Variants in ZNF813 observed in about 807,000 individuals in gnomAD.
ZNF813 encodes zinc finger protein 813.
Under a neutral mutation model 7.2 loss-of-function variants are expected in ZNF813, and 3 were observed. That is an observed-to-expected ratio of 0.42 (90% confidence interval 0.19 to 1.08). ZNF813 has a LOEUF of 1.08. Ranked by LOEUF, ZNF813 falls within the 50% of genes least tolerant of loss-of-function variation. The pLI is 0.30. For synonymous variants in ZNF813, 227 were observed against 256.3 expected (o/e 0.89, Z 1.09); for missense variants, 714 against 753.3 (o/e 0.95, Z 0.61).
intron 3 of ZNF813, 27 bp downstream of exon 3, chr19:53,486,785 G>A: frequency 6.2e-7 from 1 of 1,613,692 alleles, no homozygotes; most frequent in Non-Finnish European, 8.5e-7. Flanking sequence ...TCCAGAAGTG[G>A]GGATGTGCCC....
In ZNF813 at chr19:53,483,378, TG is replaced by T. The variant is rs201041417; in HGVS notation, c.-73-368del. 9.7e-3 allele frequency among the ~76,000 whole-genome samples: 1,478 copies of T among 152,066 alleles called. 21 individuals are homozygous for T. Among genetic ancestry groups the T allele is most frequent in the African/African-American group, 0.019 (808 of 41,468 alleles). ...TAAGTTTTTGTATTTTTGGTAGAGA[TG>T]GGGTTTCACCATGTTGCCCAGGCTG... is the stretch of plus-strand genomic sequence containing the variant. On this transcript the variant is annotated intron_variant, in intron 1 of 3. Coordinates refer to ENST00000396403, the MANE Select transcript of ZNF813 (RefSeq NM_001004301.4).
At chr19:53,479,644 A>G (rs2086398001) in intron 1 of ZNF813, 2 of 1,231,602 alleles carry the variant, frequency 1.6e-6, no homozygotes, top group Non-Finnish European at 2.4e-6. Flanking sequence ...CTGGGCCTTA[A>G]AAGATGAAGA....
intron 3 of ZNF813, 61 bp from the exon 4 acceptor site, chr19:53,490,313 CA>C (rs2086453049): frequency 1.3e-6 from 2 of 1,545,714 alleles, no homozygotes; most frequent in Non-Finnish European, 1.8e-6. Flanking sequence ...CACATTTACA[CA>C]TTTCAGTATT....
At chr19:53,488,100 C>T in intron 3 of ZNF813, 2 of 354,576 alleles carry the variant, frequency 5.6e-6, no homozygotes, top group Admixed American at 3.5e-5. Flanking sequence ...TCTTGGGTCA[C>T]TCCAACCTCC....
intron 1 of ZNF813, among the ~76,000 whole-genome samples, chr19:53,470,191 C>T (rs1362062403): frequency 2.5e-5 from 3 of 120,300 alleles, no homozygotes; most frequent in African/African-American, 9.9e-5. Context: ...CTTTCTTTCA[C>T]TCTTGTTCTA....
rs1186873559 is a variant in ZNF813, at chr19:53,491,964, C to T, written c.1732C>T (p.Pro578Ser). 3 of 1,613,912 alleles carry T rather than the reference C, an allele frequency of 1.9e-6. No individual in the cohort carries two copies. Among genetic ancestry groups the T allele is most frequent in the Non-Finnish European group, 2.5e-6 (3 of 1,179,924 alleles). ...CCATAGACTTCATACTGGAGAGAAACCTTACAAGTGTAATGAATGTGGCAA... is the reference window on the plus strand; with the variant it reads ...CCATAGACTTCATACTGGAGAGAAATCTTACAAGTGTAATGAATGTGGCAA... ...RHHRLHTGEK[P>S]YKCNECGKVF... The change falls in exon 4 of 4, where the codon CCT becomes TCT. Residue 578 changes from proline (P) to serine (S), a missense_variant. By Grantham distance (74) the Pro-to-Ser change is moderately conservative. Coordinates refer to ENST00000396403, the MANE Select transcript of ZNF813 (RefSeq NM_001004301.4).
intron 1 of ZNF813, among the ~76,000 whole-genome samples, chr19:53,470,072 G>T (rs985497708): frequency 6.6e-6 from 1 of 152,124 alleles, no homozygotes; most frequent in Non-Finnish European, 1.5e-5. Flanking sequence ...ATAACTTGTG[G>T]CCTTGCATAG....
At chr19:53,476,369 G>A (rs975354764) in intron 1 of ZNF813, among the ~76,000 whole-genome samples, 2 of 151,980 alleles carry the variant, frequency 1.3e-5, no homozygotes, top group East Asian at 3.9e-4. Flanking sequence ...GGTGGCTCGC[G>A]CCTGTAATCC....
chr19:53,476,533 G>A (rs1030739441), intron 1 of ZNF813, among the ~76,000 whole-genome samples: 4 of 151,794 alleles, frequency 2.6e-5, no homozygotes, highest in Non-Finnish European at 5.9e-5. Context: ...GGAGGCTAAG[G>A]CAGGAGAATT....
intron 2 of ZNF813, among the ~76,000 whole-genome samples, chr19:53,485,285 A>C (rs989735390): frequency 6.6e-6 from 1 of 152,110 alleles, no homozygotes; most frequent in African/African-American, 2.4e-5. Flanking sequence ...CCTGCCCCCA[A>C]CTGCCAATGT....
chr19:53,488,723 G>A (rs2086445894), intron 3 of ZNF813, among the ~76,000 whole-genome samples: 1 of 151,696 alleles, frequency 6.6e-6, no homozygotes, highest in African/African-American at 2.4e-5. Flanking sequence ...CCAGCCGTTA[G>A]TCAATTCTTA....
intron 1 of ZNF813, among the ~76,000 whole-genome samples, chr19:53,474,484 C>G (rs2086373195): frequency 6.6e-6 from 1 of 152,058 alleles, no homozygotes; most frequent in South Asian, 2.1e-4. Flanking sequence ...GTCCGGAGTT[C>G]AAGACCAGTA....
intron 1 of ZNF813, among the ~76,000 whole-genome samples, chr19:53,475,332 A>G (rs2086377078): frequency 6.6e-6 from 1 of 152,282 alleles, no homozygotes; most frequent in African/African-American, 2.4e-5. Context: ...CATACCCGGC[A>G]TGTCCAAACT....
chr19:53,489,525 C>T (rs963672859), intron 3 of ZNF813, among the ~76,000 whole-genome samples: 13 of 150,540 alleles, frequency 8.6e-5, no homozygotes, highest in Non-Finnish European at 1.9e-4. Context: ...TGGCTTGAAC[C>T]CAAAAGGTGG....
At position 53,490,598 on chromosome 19, in the gene ZNF813, T is replaced by G. The variant is rs745474345; in HGVS notation, c.366T>G (p.Ser122Arg). Reference sequence around the variant, plus strand: ...CAGAAATCAAAAAGTTGACTGGTAGTGCAGACCGATATGATCAAAGGCATG... The same window carrying G: ...CAGAAATCAAAAAGTTGACTGGTAGGGCAGACCGATATGATCAAAGGCATG... ...PMTEIKKLTG[S>R]ADRYDQRHAG... The change falls in exon 4 of 4, where the codon AGT becomes AGG. Residue 122 changes from serine (S) to arginine (R), a missense_variant. Transcript: ENST00000396403. 2 of 1,614,108 alleles carry G rather than the reference T, an allele frequency of 1.2e-6. No individual in the cohort carries two copies. Among genetic ancestry groups the G allele is most frequent in the Non-Finnish European group, 1.7e-6 (2 of 1,180,048 alleles).
chr19:53,490,097 C>G (rs2708846), intron 3 of ZNF813, among the ~76,000 whole-genome samples: 2 of 151,952 alleles, frequency 1.3e-5, no homozygotes, highest in Admixed American at 1.3e-4. Flanking sequence ...AGACACTTTA[C>G]GGTCACAGTG....
At chr19:53,479,692 G>A in intron 1 of ZNF813, 1 of 1,158,144 alleles carries the variant, frequency 8.6e-7, no homozygotes, top group South Asian at 1.2e-5. Flanking sequence ...AAGAAGCTAA[G>A]CACATTGCAG....
intron 1 of ZNF813, among the ~76,000 whole-genome samples, chr19:53,472,730 A>G (rs1163462322): frequency 1.4e-5 from 2 of 148,040 alleles, no homozygotes; most frequent in Admixed American, 6.9e-5. Flanking sequence ...CTCCTGCCCC[A>G]TCCTCCTGAA....
At chr19:53,467,982 T>G (rs1265996528) in intron 1 of ZNF813, among the ~76,000 whole-genome samples, 193 bp downstream of exon 1, 2 of 152,130 alleles carry the variant, frequency 1.3e-5, no homozygotes, top group African/African-American at 4.8e-5. Flanking sequence ...GCTGGTCCCG[T>G]CCCGGGTCTT....
Sources: gnomAD v4.1 joint callset for allele counts (sites outside exome capture counted in the v4.1 genomes callset) on GRCh38, gnomAD v4.1.1 for gene constraint, MANE v1.5 for transcripts, NCBI Gene and HGNC (gene_info 2026-07-23, HGNC 2026-07-21) for gene names.